Variants in PTPRK observed in about 807,000 individuals in gnomAD.
PTPRK encodes the protein protein tyrosine phosphatase receptor type K.
PTPRK carries 75 observed loss-of-function variants against 178.0 expected under a neutral mutation model. The ratio of observed to expected loss-of-function variants is 0.42; its 90% confidence interval spans 0.35 to 0.51. The LOEUF is 0.51. PTPRK is among the 20% of genes least tolerant of loss of function. The pLI, the probability that PTPRK is intolerant of heterozygous loss-of-function variation, is 0.02. For missense variants in PTPRK, 1,441 were observed against 1,797.8 expected (o/e 0.80, Z 3.59); for synonymous variants, 637 against 620.6 (o/e 1.03, Z -0.39).
intron 13 of PTPRK, among the ~76,000 whole-genome samples, chr6:128,028,792 T>G (rs891958299): frequency 1.3e-5 from 2 of 152,222 alleles, no homozygotes; most frequent in African/African-American, 4.8e-5. Flanking sequence ...ATATTCATAT[T>G]TTTCATAAGT....
At chr6:128,412,236 G>A (rs1000009045) in intron 1 of PTPRK, among the ~76,000 whole-genome samples, 1 of 152,164 alleles carries the variant, frequency 6.6e-6, no homozygotes. Flanking sequence ...TGGCAGAGTG[G>A]CGACAAGCCA....
intron 3 of PTPRK, among the ~76,000 whole-genome samples, chr6:128,304,297 G>C (rs140324058): frequency 2.4e-3 from 361 of 152,176 alleles, no homozygotes; most frequent in Non-Finnish European, 4.1e-3. Flanking sequence ...ACTACTGAAG[G>C]GGGTAGCATT....
chr6:128,125,878 G>A (rs911050543), intron 7 of PTPRK, among the ~76,000 whole-genome samples: 9 of 151,738 alleles, frequency 5.9e-5, no homozygotes, highest in Non-Finnish European at 1.3e-4. Flanking sequence ...AAAGTGCTGG[G>A]ATTACAGGCC....
chr6:128,061,285 T>C (rs1780762774), intron 13 of PTPRK, among the ~76,000 whole-genome samples: 1 of 152,170 alleles, frequency 6.6e-6, no homozygotes, highest in Non-Finnish European at 1.5e-5. Context: ...CAAGGTACTT[T>C]GTCCCAGACT....
intron 18 of PTPRK, 54 bp downstream of exon 18, chr6:127,995,408 G>T: frequency 6.8e-7 from 1 of 1,478,020 alleles, no homozygotes; most frequent in Non-Finnish European, 9.4e-7. Flanking sequence ...TAAGCAAAAA[G>T]GTTCATATAT....
intron 13 of PTPRK, among the ~76,000 whole-genome samples, chr6:128,010,916 C>A (rs892570376): frequency 6.6e-6 from 1 of 151,104 alleles, no homozygotes; most frequent in Non-Finnish European, 1.5e-5. Context: ...GAATTTCTAA[C>A]CTCATAATTA....
At chr6:128,200,084 T>A (rs943073443) in intron 6 of PTPRK, among the ~76,000 whole-genome samples, 1 of 152,202 alleles carries the variant, frequency 6.6e-6, no homozygotes, top group African/African-American at 2.4e-5. Context: ...AATTACTTAT[T>A]TGAATTCATC....
intron 1 of PTPRK, among the ~76,000 whole-genome samples, chr6:128,410,778 A>G (rs1370245429): frequency 6.6e-6 from 1 of 152,140 alleles, no homozygotes; most frequent in Admixed American, 6.5e-5. Flanking sequence ...TAGAAGTCAC[A>G]GGGGAGGGGA....
chr6:128,130,839 A>AAG (rs147371336), intron 7 of PTPRK, among the ~76,000 whole-genome samples: 1 of 132,766 alleles, frequency 7.5e-6, no homozygotes, highest in African/African-American at 3.9e-5. Flanking sequence ...GTACCGATAT[A>AAG]AAAAAAAATT....
At chr6:128,218,335 T>C (rs1809725472) in intron 6 of PTPRK, among the ~76,000 whole-genome samples, 1 of 152,240 alleles carries the variant, frequency 6.6e-6, no homozygotes, top group South Asian at 2.1e-4. Flanking sequence ...GCACTTGTAC[T>C]TTTCCAGTAT....
At chr6:128,298,671 C>A (rs574307648) in intron 3 of PTPRK, among the ~76,000 whole-genome samples, 2 of 152,096 alleles carry the variant, frequency 1.3e-5, no homozygotes, top group South Asian at 2.1e-4. Context: ...ATTCAATAAC[C>A]CTTCATGCTA....
chr6:128,328,922 AT>A (rs1829914750), intron 2 of PTPRK, among the ~76,000 whole-genome samples: 1 of 152,156 alleles, frequency 6.6e-6, no homozygotes, highest in African/African-American at 2.4e-5. Context: ...TTAGATTCTC[AT>A]TTTTACTTCA....
chr6:128,034,947 A>G (rs138739682), intron 13 of PTPRK, among the ~76,000 whole-genome samples: 3 of 152,346 alleles, frequency 2.0e-5, no homozygotes, highest in African/African-American at 7.2e-5. Context: ...AGAAAGATAA[A>G]AGTGAAACAG....
chr6:128,376,379 C>T (rs1276251534), intron 2 of PTPRK, among the ~76,000 whole-genome samples: 3 of 152,188 alleles, frequency 2.0e-5, no homozygotes, highest in African/African-American at 7.2e-5. Context: ...CCCTGTAAGG[C>T]AACAGCCAGA....
chr6:128,156,802 CTTAT>C (rs1412154463), intron 7 of PTPRK, among the ~76,000 whole-genome samples: 1 of 151,822 alleles, frequency 6.6e-6, no homozygotes, highest in Admixed American at 6.6e-5. Context: ...GTTCTAAATG[CTTAT>C]TTATACATGT....
At chr6:128,139,289 A>C (rs1562655998) in intron 7 of PTPRK, among the ~76,000 whole-genome samples, 1 of 152,170 alleles carries the variant, frequency 6.6e-6, no homozygotes, top group East Asian at 1.9e-4. Flanking sequence ...GAATGTTAAA[A>C]ACAGTATTAA....
At chr6:128,319,323 C>T (rs1828472638) in intron 3 of PTPRK, among the ~76,000 whole-genome samples, 1 of 152,086 alleles carries the variant, frequency 6.6e-6, no homozygotes, top group Non-Finnish European at 1.5e-5. Context: ...TCGCATTTCC[C>T]ATCTGGACTA....
intron 1 of PTPRK, among the ~76,000 whole-genome samples, chr6:128,480,165 T>C (rs1851882912): frequency 6.6e-6 from 1 of 152,168 alleles, no homozygotes; most frequent in South Asian, 2.1e-4. Context: ...ATCCACTTTC[T>C]GTTCTAATGA....
chr6:128,465,117 T>C (rs988424999), intron 1 of PTPRK, among the ~76,000 whole-genome samples: 1 of 151,480 alleles, frequency 6.6e-6, no homozygotes, highest in African/African-American at 2.4e-5. Context: ...GTTAAACCAA[T>C]TGAGAGTAAA....
Sources: allele counts gnomAD v4.1 joint callset (sites outside exome capture counted in the v4.1 genomes callset), GRCh38; gene constraint gnomAD v4.1.1; transcripts MANE v1.5; gene names NCBI Gene and HGNC (gene_info 2026-07-23, HGNC 2026-07-21).